AFF2: variants seen among roughly 807,000 people sequenced by gnomAD.
AFF2 encodes the protein AF4/FMR2 family member 2.
A neutral mutation model predicts 76.9 loss-of-function variants in AFF2; 14 were observed. The observed-to-expected ratio is 0.18, with a 90% CI of 0.12 to 0.28. The LOEUF is 0.28. Among genes scored for constraint, AFF2 ranks in the 10% least tolerant of loss-of-function variants. The pLI is 1.00. For missense variants in AFF2, 868 were observed against 1,001.1 expected (o/e 0.87, Z 1.79); for synonymous variants, 398 against 366.7 (o/e 1.09, Z -0.98).
chrX:148,702,844 T>C (rs1387489493), intron 3 of AFF2, among the ~76,000 whole-genome samples: 3 of 112,286 alleles, frequency 2.7e-5, no homozygotes, highest in East Asian at 5.6e-4. Context: ...TAGCATACGG[T>C]TATGATTTTA....
chrX:148,698,346 C>T (rs782355539), intron 3 of AFF2, among the ~76,000 whole-genome samples: 24 of 112,399 alleles, frequency 2.1e-4, no homozygotes, highest in Non-Finnish European at 3.9e-4. Flanking sequence ...TATGCAGTTT[C>T]TGAATATCTT....
intron 1 of AFF2, among the ~76,000 whole-genome samples, chrX:148,640,498 C>G: frequency 8.9e-6 from 1 of 112,049 alleles, no homozygotes; most frequent in Non-Finnish European, 1.9e-5. Context: ...AATTACCCAC[C>G]TTCATGGAGA....
At chrX:148,649,926 G>A (rs891873423) in intron 1 of AFF2, among the ~76,000 whole-genome samples, 1 of 111,700 alleles carries the variant, frequency 9.0e-6, no homozygotes, top group Non-Finnish European at 1.9e-5. Flanking sequence ...TGAACAGATA[G>A]CTAGAAAACT....
chrX:148,804,186 A>G (rs1222029085), intron 3 of AFF2, among the ~76,000 whole-genome samples: 3 of 111,777 alleles, frequency 2.7e-5, no homozygotes, highest in Non-Finnish European at 5.6e-5. Context: ...TCAACATCAC[A>G]AAAATCCTAG....
chrX:148,923,532 G>A (rs191865276), intron 9 of AFF2, among the ~76,000 whole-genome samples: 4 of 110,496 alleles, frequency 3.6e-5, no homozygotes, highest in East Asian at 2.8e-4. Context: ...ATTTTGAAAC[G>A]GAAAGATACC....
intron 7 of AFF2, among the ~76,000 whole-genome samples, chrX:148,843,885 A>G (rs782686687): frequency 8.8e-4 from 98 of 111,391 alleles, no homozygotes; most frequent in Middle Eastern, 4.6e-3. Context: ...CCAAATACCC[A>G]TGTCCTAATA....
At chrX:148,975,429 C>T (rs781864573) in intron 16 of AFF2, among the ~76,000 whole-genome samples, 1 of 111,931 alleles carries the variant, frequency 8.9e-6, no homozygotes, top group South Asian at 3.7e-4. Flanking sequence ...GACTATGCAG[C>T]CGCACAAAAT....
intron 10 of AFF2, among the ~76,000 whole-genome samples, chrX:148,953,978 G>A (rs1557286932): frequency 8.9e-6 from 1 of 112,471 alleles, no homozygotes; most frequent in African/African-American, 3.2e-5. Flanking sequence ...GATTTGCTGT[G>A]TGACTCACTT....
intron 9 of AFF2, among the ~76,000 whole-genome samples, chrX:148,920,066 T>C (rs2071575938): frequency 1.8e-5 from 2 of 112,457 alleles, no homozygotes; most frequent in Admixed American, 1.9e-4. Flanking sequence ...CGGTAGTGTC[T>C]GCACAAATTC....
In AFF2 at chrX:148,955,684, G is replaced by C; in HGVS notation, c.1639G>C (p.Gly547Arg). 6 of 1,211,335 alleles carry C rather than the reference G, an allele frequency of 5.0e-6. No individual in the cohort carries two copies. Among genetic ancestry groups the C allele is most frequent in the Non-Finnish European group, 6.7e-6 (6 of 895,343 alleles). ...ATCCCAGAACAAGTCTTTTATTTGTGGCCAAAATGAAACACCCATGGAGAC... is the reference window on the plus strand; with the variant it reads ...ATCCCAGAACAAGTCTTTTATTTGTCGCCAAAATGAAACACCCATGGAGAC... ...VTSQNKSFIC[G>R]QNETPMETIS... Residue 547 changes from glycine (G) to arginine (R), a missense_variant, in exon 11 of 21, where the codon GGC (glycine) becomes CGC (arginine). This residue lies in a region of AFF2 where 532 missense variants were observed against 564.2 expected (regional missense o/e 0.94). Transcript: ENST00000370460.
chrX:148,951,124 A>G (rs372340890), intron 9 of AFF2, among the ~76,000 whole-genome samples: 1 of 107,254 alleles, frequency 9.3e-6, no homozygotes, highest in East Asian at 2.9e-4. Context: ...CTGTTCTCAG[A>G]AGGGCTTTAG....
rs781938078 is a variant in AFF2 at position 148,923,110 on chromosome X, C to A, written c.1397+18852C>A. ...GCTGGCACTCTTCAGGCATGAATGT[C>A]CTTTGGCTTGTGCTGTGCTCATTGT... On this transcript the variant is annotated intron_variant, in intron 9 of 20. Coordinates refer to ENST00000370460, the MANE Select transcript of AFF2 (RefSeq NM_002025.4). Among the ~76,000 whole-genome samples the A allele has an allele frequency of 6.3e-5, 7 of 111,613 alleles. No individual in the cohort carries two copies. The East Asian group carries it at 8.5e-4, about 14-fold the overall frequency.
At chrX:148,909,769 T>C (rs1351537066) in intron 9 of AFF2, among the ~76,000 whole-genome samples, 1 of 111,969 alleles carries the variant, frequency 8.9e-6, no homozygotes, top group African/African-American at 3.3e-5. Context: ...GCTTGATTAG[T>C]ATGTTCAAAT....
At chrX:148,558,289 G>A (rs2053074136) in intron 1 of AFF2, among the ~76,000 whole-genome samples, 1 of 111,291 alleles carries the variant, frequency 9.0e-6, no homozygotes, top group East Asian at 2.8e-4. Context: ...AGTTGTGCGG[G>A]CGAGTGGCTC....
chrX:148,838,722 C>A (rs190588002), intron 5 of AFF2, among the ~76,000 whole-genome samples: 118 of 111,633 alleles, frequency 1.1e-3, no homozygotes, highest in Non-Finnish European at 1.5e-3. Context: ...GAGAGGAAAC[C>A]TGGGCAAATA....
intron 7 of AFF2, among the ~76,000 whole-genome samples, chrX:148,846,228 G>T (rs1258266002): frequency 8.9e-6 from 1 of 111,842 alleles, no homozygotes. Flanking sequence ...CATCCTACCT[G>T]CTTCAGCTGG....
At chrX:148,595,446 G>T (rs1450052928) in intron 1 of AFF2, among the ~76,000 whole-genome samples, 1 of 112,341 alleles carries the variant, frequency 8.9e-6, no homozygotes, top group Non-Finnish European at 1.9e-5. Context: ...AGGGCAACCA[G>T]TTGAGGTTGA....
At chrX:148,948,334 G>A (rs1252760787) in intron 9 of AFF2, among the ~76,000 whole-genome samples, 1 of 111,770 alleles carries the variant, frequency 8.9e-6, no homozygotes, top group Non-Finnish European at 1.9e-5. Context: ...GGAGCAGATT[G>A]GATTGCACAA....
At chrX:148,852,975 G>A (rs1404154107) in intron 7 of AFF2, among the ~76,000 whole-genome samples, 25 of 111,352 alleles carry the variant, frequency 2.2e-4, no homozygotes, top group Non-Finnish European at 3.8e-5. Flanking sequence ...TTATGGAGAA[G>A]GAAATTTCGT....
Sources: allele counts gnomAD v4.1 joint callset (sites outside exome capture counted in the v4.1 genomes callset), GRCh38; gene constraint gnomAD v4.1.1; regional missense constraint gnomAD v4.1.1; transcripts MANE v1.5; gene names NCBI Gene and HGNC (gene_info 2026-07-23, HGNC 2026-07-21).